Variants in DYNC1I1 observed in about 807,000 individuals in gnomAD.
DYNC1I1 encodes the protein dynein cytoplasmic 1 intermediate chain 1.
A neutral mutation model predicts 86.6 loss-of-function variants in DYNC1I1; 43 were observed. The observed-to-expected ratio is 0.50, with a 90% CI of 0.39 to 0.64. DYNC1I1 has a LOEUF of 0.64. Among genes scored for constraint, DYNC1I1 ranks in the 30% least tolerant of loss-of-function variants. DYNC1I1 has a pLI of 0.00. For missense variants in DYNC1I1, 604 were observed against 788.8 expected (o/e 0.77, Z 2.81); for synonymous variants, 262 against 283.7 (o/e 0.92, Z 0.77).
intron 6 of DYNC1I1, among the ~76,000 whole-genome samples, chr7:95,937,957 C>G (rs1792093080): frequency 6.6e-6 from 1 of 152,000 alleles, no homozygotes; most frequent in Non-Finnish European, 1.5e-5. Context: ...TATATACACT[C>G]ACACACATAA....
At chr7:96,051,994 A>G (rs1789417392) in intron 14 of DYNC1I1, among the ~76,000 whole-genome samples, 1 of 152,208 alleles carries the variant, frequency 6.6e-6, no homozygotes, top group Non-Finnish European at 1.5e-5. Flanking sequence ...TGAGTATGCA[A>G]CTGGGACAGA....
intron 16 of DYNC1I1, among the ~76,000 whole-genome samples, chr7:96,081,035 A>C (rs745777852): frequency 6.5e-5 from 9 of 139,480 alleles, no homozygotes; most frequent in Non-Finnish European, 9.0e-5. Flanking sequence ...GCACCACTGC[A>C]CTCCAACCTG....
chr7:95,882,180 G>T (rs1435545554), intron 6 of DYNC1I1, among the ~76,000 whole-genome samples: 1 of 152,044 alleles, frequency 6.6e-6, no homozygotes, highest in Non-Finnish European at 1.5e-5. Flanking sequence ...TTGTCAAGAG[G>T]ATATTGTGAA....
chr7:96,043,461 C>T (rs1207041359), intron 14 of DYNC1I1, among the ~76,000 whole-genome samples: 3 of 151,300 alleles, frequency 2.0e-5, no homozygotes, highest in African/African-American at 4.9e-5. Context: ...GGCATATCTA[C>T]GGGACACCTG....
chr7:95,843,964 C>T (rs1205898159), intron 5 of DYNC1I1, among the ~76,000 whole-genome samples: 5 of 152,160 alleles, frequency 3.3e-5, no homozygotes, highest in Non-Finnish European at 7.4e-5. Context: ...AAATTTGGAA[C>T]TGCAATGGGA....
intron 16 of DYNC1I1, among the ~76,000 whole-genome samples, chr7:96,107,869 GTTTTT>G (rs1178550637): frequency 3.0e-3 from 360 of 119,072 alleles, no homozygotes; most frequent in African/African-American, 9.8e-3. Context: ...TCATTGACAG[GTTTTT>G]TTTTTTTTTT....
At chr7:96,032,620 T>G in intron 11 of DYNC1I1, 47 bp from the exon 12 acceptor site, 1 of 1,435,416 alleles carries the variant, frequency 7.0e-7, no homozygotes, top group East Asian at 2.3e-5. Context: ...AATGTAAGCA[T>G]TTCCTCTTGG....
At chr7:96,054,747 G>C (rs1444609412) in intron 14 of DYNC1I1, among the ~76,000 whole-genome samples, 4 of 152,068 alleles carry the variant, frequency 2.6e-5, no homozygotes, top group South Asian at 4.2e-4. Context: ...TTTCATGTTT[G>C]TTGGCCACAT....
chr7:96,108,709 A>T (rs1791258547), intron 16 of DYNC1I1, among the ~76,000 whole-genome samples: 4 of 151,932 alleles, frequency 2.6e-5, no homozygotes, highest in Non-Finnish European at 5.9e-5. Context: ...TAAAAATACA[A>T]AAATTAACCG....
chr7:95,934,504 A>G (rs547373082), intron 6 of DYNC1I1, among the ~76,000 whole-genome samples: 1 of 152,194 alleles, frequency 6.6e-6, no homozygotes, highest in Non-Finnish European at 1.5e-5. Flanking sequence ...TTACATATCC[A>G]CAAATAAAAT....
intron 6 of DYNC1I1, among the ~76,000 whole-genome samples, chr7:95,906,848 G>A (rs1791190108): frequency 6.6e-6 from 1 of 152,068 alleles, no homozygotes; most frequent in East Asian, 1.9e-4. Flanking sequence ...CACACATTGG[G>A]CAGCCCAGTC....
chr7:95,990,609 T>C (rs925079511), intron 9 of DYNC1I1, among the ~76,000 whole-genome samples: 1 of 152,208 alleles, frequency 6.6e-6, no homozygotes, highest in African/African-American at 2.4e-5. Flanking sequence ...AGATTACTTA[T>C]ACACTCTGTA....
Position 95,818,479 on chromosome 7 carries a change from T to G in DYNC1I1, c.314+5142T>G, listed in dbSNP as rs1303035554. 4.8e-6 allele frequency: 3 copies of G among 621,960 alleles called. No homozygotes were observed. The African/African-American group carries it at 5.8e-5, about 12-fold the overall frequency. 38.5% of individuals were successfully genotyped at this position (621,960 alleles called of 1,614,324 possible). A position where few individuals can be genotyped will look rare whatever the true frequency, so the allele number is the denominator to read the frequency against. On this transcript the variant is annotated intron_variant, in intron 4 of 16. Transcript: ENST00000447467. ...ACCACACCCAGCTGATTTAATTTTTTTTTTTTTTTTTTTTTGTAGAGACGA... is the reference window on the plus strand; with the variant it reads ...ACCACACCCAGCTGATTTAATTTTTGTTTTTTTTTTTTTTTGTAGAGACGA...
intron 6 of DYNC1I1, among the ~76,000 whole-genome samples, chr7:95,897,378 G>A (rs1371812924): frequency 2.6e-5 from 4 of 151,890 alleles, no homozygotes; most frequent in African/African-American, 9.7e-5. Context: ...CATATAGAAA[G>A]TCACCTCTCT....
chr7:95,927,176 A>G (rs1343396597), intron 6 of DYNC1I1, among the ~76,000 whole-genome samples: 1 of 152,146 alleles, frequency 6.6e-6, no homozygotes, highest in East Asian at 1.9e-4. Flanking sequence ...GACATCATGG[A>G]AGTCCTTAAA....
chr7:96,030,689 G>C (rs1462494855), intron 11 of DYNC1I1, among the ~76,000 whole-genome samples: 1 of 152,014 alleles, frequency 6.6e-6, no homozygotes, highest in Non-Finnish European at 1.5e-5. Flanking sequence ...ACAGTATTTG[G>C]ACCCTGCCTT....
chr7:96,040,161 C>T (rs1476253698), intron 14 of DYNC1I1, among the ~76,000 whole-genome samples: 1 of 151,994 alleles, frequency 6.6e-6, no homozygotes, highest in East Asian at 1.9e-4. Flanking sequence ...TTGAACCTGT[C>T]AGGCAGAGGT....
At chr7:96,005,991 G>A (rs912058665) in intron 10 of DYNC1I1, among the ~76,000 whole-genome samples, 1 of 152,122 alleles carries the variant, frequency 6.6e-6, no homozygotes, top group African/African-American at 2.4e-5. Context: ...TGCTTCTCTG[G>A]CAGCAAGGAC....
At chr7:96,049,570 TAG>T (rs773970196) in intron 14 of DYNC1I1, among the ~76,000 whole-genome samples, 4 of 152,162 alleles carry the variant, frequency 2.6e-5, no homozygotes, top group African/African-American at 9.7e-5. Flanking sequence ...AAGTTTATAA[TAG>T]AGTCTTAATA....
Sources: gnomAD v4.1 joint callset for allele counts (sites outside exome capture counted in the v4.1 genomes callset) on GRCh38, gnomAD v4.1.1 for gene constraint, MANE v1.5 for transcripts, NCBI Gene and HGNC (gene_info 2026-07-23, HGNC 2026-07-21) for gene names.